Variants in AGMO observed in about 807,000 individuals in gnomAD.
AGMO encodes alkylglycerol monooxygenase, also known as glyceryl-ether monooxygenase.
In AGMO, 75 loss-of-function variants were observed where a neutral mutation model predicts 60.2. That is an observed-to-expected ratio of 1.25 (90% CI 1.03 to 1.51). The LOEUF is 1.51. Ranked by LOEUF, AGMO falls within the 40% of genes most tolerant of loss-of-function variation. The pLI, the probability that AGMO is intolerant of heterozygous loss-of-function variation, is 0.00. For missense variants in AGMO, 763 were observed against 525.5 expected, an observed-to-expected ratio of 1.45 and a Z score of -4.42; for synonymous variants, 261 against 177.1, an observed-to-expected ratio of 1.47 and a Z score of -3.76.
chr7:15,490,667 A>G (rs1317428582), intron 3 of AGMO, among the ~76,000 whole-genome samples: 2 of 152,202 alleles, frequency 1.3e-5, no homozygotes, highest in Non-Finnish European at 2.9e-5. Context: ...ACAATCTGCA[A>G]GGAACATTTT....
intron 3 of AGMO, among the ~76,000 whole-genome samples, chr7:15,455,078 T>TTC (rs892457528): frequency 1.1e-4 from 11 of 98,038 alleles, no homozygotes; most frequent in African/African-American, 4.5e-4. Context: ...CTCTCTCTCT[T>TTC]TCTCACACAC....
At chr7:15,293,990 T>C (rs953041606) in intron 12 of AGMO, among the ~76,000 whole-genome samples, 1 of 151,954 alleles carries the variant, frequency 6.6e-6, no homozygotes, top group South Asian at 2.1e-4. Flanking sequence ...GAAAGGAGAG[T>C]TTATAGCTTA....
chr7:15,126,776 T>G, the AGMO span, among the ~76,000 whole-genome samples: 2 of 152,142 alleles, frequency 1.3e-5, no homozygotes, highest in Non-Finnish European at 2.9e-5. Flanking sequence ...ATCCACATTC[T>G]ATAGAGAATC....
chr7:15,559,091 G>A (rs921939264), intron 2 of AGMO, among the ~76,000 whole-genome samples: 1 of 151,930 alleles, frequency 6.6e-6, no homozygotes, highest in African/African-American at 2.4e-5. Flanking sequence ...ACATTATAAT[G>A]TACTCTTTCT....
chr7:15,160,852 G>A, the AGMO span, among the ~76,000 whole-genome samples: 3 of 152,132 alleles, frequency 2.0e-5, no homozygotes, highest in Non-Finnish European at 4.4e-5. Flanking sequence ...AAGAATGCAT[G>A]AGGCTGAGTA....
the AGMO span, among the ~76,000 whole-genome samples, chr7:15,152,609 C>G: frequency 6.6e-6 from 1 of 152,090 alleles, no homozygotes; most frequent in African/African-American, 2.4e-5. Flanking sequence ...ACTTTTCATT[C>G]CCGAGTTACT....
the AGMO span, among the ~76,000 whole-genome samples, chr7:15,190,247 A>C: frequency 7.0e-6 from 1 of 143,320 alleles, no homozygotes; most frequent in Non-Finnish European, 1.6e-5. Context: ...ATATATATAT[A>C]TATGCAGCAA....
chr7:15,322,457 AATATATATAAATATATAAAT>A (rs1465313105), intron 12 of AGMO, among the ~76,000 whole-genome samples: 30 of 77,380 alleles, frequency 3.9e-4, no homozygotes, highest in African/African-American at 8.9e-4. Context: ...TATATATATA[AATATATATAAATATATAAAT>A]ATATATATAA....
intron 12 of AGMO, among the ~76,000 whole-genome samples, chr7:15,215,903 G>A (rs542873905): frequency 6.6e-6 from 1 of 152,150 alleles, no homozygotes; most frequent in African/African-American, 2.4e-5. Context: ...ATTGAGCACT[G>A]ACGTATTACA....
At chr7:15,221,370 A>G (rs1271262700) in intron 12 of AGMO, among the ~76,000 whole-genome samples, 1 of 152,166 alleles carries the variant, frequency 6.6e-6, no homozygotes, top group South Asian at 2.1e-4. Flanking sequence ...CTTTTGTGAA[A>G]TAACAACTTT....
intron 3 of AGMO, among the ~76,000 whole-genome samples, chr7:15,511,174 G>A (rs1212296370): frequency 2.0e-5 from 3 of 152,082 alleles, no homozygotes; most frequent in Non-Finnish European, 2.9e-5. Context: ...GCAGGAACCA[G>A]CCTTGCACAA....
rs570552335 is a variant in AGMO, at chr7:15,522,843, A to G, written c.409+21929T>C. Among the ~76,000 whole-genome samples, 32 of 152,320 alleles carry G rather than the reference A, an allele frequency of 2.1e-4. No homozygotes were observed. In the East Asian group the frequency reaches 5.6e-3, roughly 27 times the overall value. On this transcript the variant is annotated intron_variant, in intron 3 of 12. Transcript: ENST00000342526. ...ATTGCAAAAAAAGCCAAAATTGACA[A>G]ATGGGATCTAATTAAACTAAAGAGC...
chr7:15,324,617 C>A (rs931698425), intron 12 of AGMO, among the ~76,000 whole-genome samples: 1 of 152,222 alleles, frequency 6.6e-6, no homozygotes, highest in African/African-American at 2.4e-5. Flanking sequence ...GGCCCCCAAC[C>A]TTTTTGACAC....
At chr7:15,264,629 G>C (rs1277899153) in intron 12 of AGMO, among the ~76,000 whole-genome samples, 2 of 151,906 alleles carry the variant, frequency 1.3e-5, no homozygotes, top group Non-Finnish European at 2.9e-5. Flanking sequence ...AGGACATCAA[G>C]AGATATGTCT....
chr7:15,239,565 C>T (rs1370031650), intron 12 of AGMO, among the ~76,000 whole-genome samples: 1 of 152,064 alleles, frequency 6.6e-6, no homozygotes. Context: ...CTTAAAAGAA[C>T]CCTATAGCAA....
chr7:15,385,713 G>A lies in AGMO; in HGVS notation c.958-151C>T, dbSNP rs946904444. 1.1e-5 allele frequency: 7 copies of A among 635,084 alleles called. No homozygotes were observed. The African/African-American group carries it at 1.1e-4, about 10-fold the overall frequency. 39.3% of individuals were successfully genotyped at this position (635,084 alleles called of 1,614,324 possible). A position where few individuals can be genotyped will look rare whatever the true frequency, so the allele number is the denominator to read the frequency against. On this transcript the variant is annotated intron_variant, in intron 9 of 12. Transcript: ENST00000342526. ...AAAAATAGAAACATGTCTAAGTTAGGAGACTTTCTCATTTTGAAAGCATTA... is the reference window on the plus strand; with the variant it reads ...AAAAATAGAAACATGTCTAAGTTAGAAGACTTTCTCATTTTGAAAGCATTA...
the AGMO span, among the ~76,000 whole-genome samples, chr7:15,139,623 T>C: frequency 1.6e-5 from 2 of 121,218 alleles, no homozygotes; most frequent in African/African-American, 5.0e-5. Flanking sequence ...CATTATAGAT[T>C]TTTTTTTCTC....
the AGMO span, among the ~76,000 whole-genome samples, chr7:15,189,328 G>GT: frequency 4.5e-4 from 68 of 149,734 alleles, no homozygotes; most frequent in Non-Finnish European, 5.8e-4. Flanking sequence ...CTGATTTTAA[G>GT]TTTTTTTTTT....
intron 5 of AGMO, among the ~76,000 whole-genome samples, chr7:15,398,564 G>A (rs559980953): frequency 6.6e-6 from 1 of 152,232 alleles, no homozygotes; most frequent in Admixed American, 6.5e-5. Context: ...TTTATTAAGG[G>A]TTGAGCATAA....
Sources: gnomAD v4.1 joint callset for allele counts (sites outside exome capture counted in the v4.1 genomes callset) on GRCh38, gnomAD v4.1.1 for gene constraint, MANE v1.5 for transcripts, NCBI Gene and HGNC (gene_info 2026-07-23, HGNC 2026-07-21) for gene names.